THEMIS: variants seen among roughly 807,000 people sequenced by gnomAD.
THEMIS encodes protein THEMIS.
In THEMIS, 37 loss-of-function variants were observed where a neutral mutation model predicts 52.6. The ratio of observed to expected loss-of-function variants is 0.70; its 90% confidence interval spans 0.54 to 0.93. The LOEUF is 0.93. THEMIS is among the 40% of genes least tolerant of loss of function. The pLI is 0.00. For synonymous variants in THEMIS, 292 were observed against 272.7 expected (o/e 1.07, Z -0.70); for missense variants, 808 against 763.1 (o/e 1.06, Z -0.69).
At chr6:127,703,505 C>T (rs1338412612), downstream of THEMIS, among the ~76,000 whole-genome samples, 1 of 152,096 alleles carries the variant, frequency 6.6e-6, no homozygotes, top group Non-Finnish European at 1.5e-5. Flanking sequence ...GCTGCAGCTT[C>T]CTGTGTACCC....
chr6:127,896,891 T>A (rs530747951), intron 1 of THEMIS, among the ~76,000 whole-genome samples: 33 of 151,496 alleles, frequency 2.2e-4, no homozygotes, highest in Admixed American at 9.9e-4. Context: ...TTATTAAATA[T>A]AATCTAATAG....
chr6:127,915,610 GA>G (rs1472347363), intron 1 of THEMIS, among the ~76,000 whole-genome samples: 4 of 150,954 alleles, frequency 2.6e-5, no homozygotes, highest in African/African-American at 9.8e-5. Flanking sequence ...GAGAGAGAGA[GA>G]GAGAGAGAAC....
At chr6:127,729,752 C>A (rs1467629901) in intron 4 of THEMIS, among the ~76,000 whole-genome samples, 1 of 152,120 alleles carries the variant, frequency 6.6e-6, no homozygotes, top group Non-Finnish European at 1.5e-5. Flanking sequence ...CTTTTGTTCC[C>A]TCAATTGTTT....
chr6:127,804,328 A>G (rs1777631053), intron 4 of THEMIS, among the ~76,000 whole-genome samples: 1 of 152,196 alleles, frequency 6.6e-6, no homozygotes, highest in African/African-American at 2.4e-5. Flanking sequence ...ATGAGGACTG[A>G]GGATTGACCA....
At chr6:127,854,133 T>C (rs1779521279) in intron 2 of THEMIS, among the ~76,000 whole-genome samples, 2 of 151,802 alleles carry the variant, frequency 1.3e-5, no homozygotes, top group African/African-American at 2.4e-5. Flanking sequence ...CACATGTTCA[T>C]ATTTTATGTC....
chr6:127,812,863 T>C lies in THEMIS; in HGVS notation c.1758+20A>G. ...GAAGGAACACACTCCAGAGAAAACA[T>C]TGCAAAACCATAGCCTTACCTTGGG... On this transcript the variant is annotated intron_variant, in intron 4 of 5. Coordinates refer to ENST00000368248, the MANE Select transcript of THEMIS (RefSeq NM_001010923.3). 4 of 1,550,132 alleles carry C rather than the reference T, an allele frequency of 2.6e-6. No individual in the cohort carries two copies. Among genetic ancestry groups the C allele is most frequent in the Non-Finnish European group, 3.5e-6 (4 of 1,149,222 alleles).
At chr6:127,895,688 T>C (rs1281537231) in intron 1 of THEMIS, among the ~76,000 whole-genome samples, 2 of 151,438 alleles carry the variant, frequency 1.3e-5, no homozygotes, top group African/African-American at 4.8e-5. Context: ...TGCTCATGGA[T>C]AAAAAGACTT....
intron 4 of THEMIS, among the ~76,000 whole-genome samples, chr6:127,722,248 T>C (rs76293204): frequency 0.048 from 7,369 of 152,106 alleles, 184 homozygotes; most frequent in East Asian, 0.092. Flanking sequence ...GCCAGGCTGC[T>C]GTTCCCAGGT....
chr6:127,905,704 T>C (rs953794896), upstream of THEMIS, among the ~76,000 whole-genome samples: 5 of 152,136 alleles, frequency 3.3e-5, no homozygotes, highest in African/African-American at 1.2e-4. Flanking sequence ...GCAAAACTGA[T>C]AATGAAGTTA....
chr6:127,775,548 A>G (rs979163743), intron 4 of THEMIS, among the ~76,000 whole-genome samples: 1 of 152,098 alleles, frequency 6.6e-6, no homozygotes, highest in Non-Finnish European at 1.5e-5. Flanking sequence ...TTTGATTGTG[A>G]GCCTGAGGCC....
chr6:127,905,762 T>C (rs1309680760), upstream of THEMIS, among the ~76,000 whole-genome samples: 1 of 151,842 alleles, frequency 6.6e-6, no homozygotes, highest in Non-Finnish European at 1.5e-5. Flanking sequence ...AAAGTGATGT[T>C]TAATATCAGA....
intron 2 of THEMIS, among the ~76,000 whole-genome samples, chr6:127,832,582 T>C (rs1233701063): frequency 6.6e-6 from 1 of 151,896 alleles, no homozygotes; most frequent in African/African-American, 2.4e-5. Flanking sequence ...TGTGACCAAC[T>C]TTTTTTTCAT....
At chr6:127,906,838 A>G (rs1583416588) in intron 1 of THEMIS, among the ~76,000 whole-genome samples, 1 of 152,116 alleles carries the variant, frequency 6.6e-6, no homozygotes, top group East Asian at 1.9e-4. Context: ...TGTTGAAAAG[A>G]AAAAGAAAAG....
chr6:127,895,912 A>T (rs1017657514), intron 1 of THEMIS, among the ~76,000 whole-genome samples: 1 of 151,366 alleles, frequency 6.6e-6, no homozygotes, highest in South Asian at 2.1e-4. Flanking sequence ...TTACAAAAAA[A>T]TAAAAACTAT....
chr6:127,774,372 A>T (rs1462586406), intron 4 of THEMIS, among the ~76,000 whole-genome samples: 1 of 151,966 alleles, frequency 6.6e-6, no homozygotes, highest in African/African-American at 2.4e-5. Flanking sequence ...TGCCCAGCTA[A>T]TTTTTTGTAT....
At chr6:127,890,890 C>T (rs181974712) in intron 1 of THEMIS, among the ~76,000 whole-genome samples, 1 of 151,864 alleles carries the variant, frequency 6.6e-6, no homozygotes, top group African/African-American at 2.4e-5. Context: ...TAGAGAAATA[C>T]ATGTATGGAA....
At position 127,779,785 on chromosome 6, in the gene THEMIS, A is replaced by G. The variant is rs557883232; in HGVS notation, c.1758+33098T>C. 9.7e-4 allele frequency among the ~76,000 whole-genome samples: 148 copies of G among 152,276 alleles called. 1 individual carries two copies. Among genetic ancestry groups the G allele is most frequent in the African/African-American group, 3.5e-3 (144 of 41,580 alleles). On this transcript the variant is annotated intron_variant, in intron 4 of 5. Transcript: ENST00000368248. The stretch of plus-strand genomic sequence containing the variant: ...GGCCTTTAGTTGCTCCACCAGTAAG[A>G]GACATTTAGAAGAGACCACCTGTAA...
chr6:127,887,813 T>C (rs993091148), intron 1 of THEMIS, among the ~76,000 whole-genome samples: 1 of 152,156 alleles, frequency 6.6e-6, no homozygotes, highest in Non-Finnish European at 1.5e-5. Flanking sequence ...CATTCAGTTG[T>C]ATACTTATAG....
intron 4 of THEMIS, among the ~76,000 whole-genome samples, chr6:127,779,380 C>T (rs1411827196): frequency 1.3e-5 from 2 of 152,060 alleles, no homozygotes; most frequent in Non-Finnish European, 2.9e-5. Context: ...GCATTATTTT[C>T]CAGAGACAGA....
Sources: gnomAD v4.1 joint callset for allele counts (sites outside exome capture counted in the v4.1 genomes callset) on GRCh38, gnomAD v4.1.1 for gene constraint, MANE v1.5 for transcripts, NCBI Gene and HGNC (gene_info 2026-07-23, HGNC 2026-07-21) for gene names.